The following RBFOX2 variants were observed in gnomAD, a reference collection of about 807,000 sequenced individuals.
RBFOX2 encodes the protein RNA binding protein fox-1 homolog 2.
Under a neutral mutation model 49.1 loss-of-function variants are expected in RBFOX2, and 10 were observed. The ratio of observed to expected loss-of-function variants is 0.20; its 90% confidence interval spans 0.13 to 0.35. The LOEUF (loss-of-function observed/expected upper bound fraction) is 0.35. RBFOX2 is among the 10% of genes least tolerant of loss of function. RBFOX2 has a pLI of 1.00. For synonymous variants in RBFOX2, 183 were observed against 187.4 expected (o/e 0.98, Z 0.19); for missense variants, 323 against 486.9 (o/e 0.66, Z 3.17).
intron 1 of RBFOX2, among the ~76,000 whole-genome samples, chr22:35,914,764 ACCCGATCC>A: frequency 6.6e-6 from 1 of 152,282 alleles, no homozygotes; most frequent in Non-Finnish European, 1.5e-5. Flanking sequence ...GAAGAATGTC[ACCCGATCC>A]CCGGGGGTAA....
intron 11 of RBFOX2, 146 bp downstream of exon 13, chr22:35,745,777 T>C (rs990563153): frequency 5.1e-6 from 4 of 777,694 alleles, no homozygotes; most frequent in Non-Finnish European, 8.5e-6. Flanking sequence ...GAGGGTGACA[T>C]GAAACTTCCA....
In RBFOX2 at chr22:35,905,486, A is replaced by G. The variant is rs574666545; in HGVS notation, c.-34+33361T>C. 7.9e-5 allele frequency among the ~76,000 whole-genome samples: 12 copies of G among 152,308 alleles called. No individual in the cohort carries two copies. The South Asian group carries it at 2.5e-3, about 32-fold the overall frequency. On this transcript the variant is annotated intron_variant, in intron 1 of 13. Transcript: ENST00000359369. ...ATAAATTTTATAGTTATACAACACA[A>G]TTTAGAAGGATTTATTTCTGAAATG...
At chr22:35,958,385 G>A (rs1195644469) in intron 1 of RBFOX2, among the ~76,000 whole-genome samples, 1 of 152,212 alleles carries the variant, frequency 6.6e-6, no homozygotes, top group Non-Finnish European at 1.5e-5. Context: ...CTACCCCATA[G>A]AGAAAAACTA....
intron 1 of RBFOX2, among the ~76,000 whole-genome samples, chr22:35,925,066 C>A (rs2051461869): frequency 6.6e-6 from 1 of 151,898 alleles, no homozygotes; most frequent in African/African-American, 2.4e-5. Context: ...GTGGCGCATA[C>A]TTGTAATCTC....
intron 10 of RBFOX2, 98 bp from the exon 13 acceptor site, chr22:35,746,093 C>A: frequency 9.5e-7 from 1 of 1,057,100 alleles, no homozygotes; most frequent in Non-Finnish European, 1.4e-6. Flanking sequence ...GTCACTTGGT[C>A]TTGGATTATC....
intron 2 of RBFOX2, among the ~76,000 whole-genome samples, chr22:35,809,572 G>A (rs776624231): frequency 2.0e-5 from 3 of 152,148 alleles, no homozygotes; most frequent in African/African-American, 4.8e-5. Context: ...TGCTTGGCAG[G>A]AAAATTGGGA....
At chr22:35,988,426 T>C (rs9610373) in intron 1 of RBFOX2, among the ~76,000 whole-genome samples, 10,920 of 152,216 alleles carry the variant, frequency 0.072, 592 homozygotes, top group Non-Finnish European at 0.1. Flanking sequence ...TAGGCTCTTA[T>C]AATACAGTGA....
At chr22:35,953,291 C>T (rs542996597) in intron 1 of RBFOX2, among the ~76,000 whole-genome samples, 3 of 149,670 alleles carry the variant, frequency 2.0e-5, no homozygotes, top group Non-Finnish European at 4.4e-5. Context: ...ACAAATTGTG[C>T]TATATACACA....
intron 1 of RBFOX2, among the ~76,000 whole-genome samples, chr22:35,891,424 A>G (rs2047229280): frequency 6.6e-6 from 1 of 152,146 alleles, no homozygotes; most frequent in African/African-American, 2.4e-5. Flanking sequence ...TGAGCCACTA[A>G]GGCCGGCCAG....
At chr22:35,942,087 T>C (rs1450030637), upstream of RBFOX2, among the ~76,000 whole-genome samples, 1 of 152,232 alleles carries the variant, frequency 6.6e-6, no homozygotes, top group Admixed American at 6.5e-5. Flanking sequence ...CATTTAGTAT[T>C]CTCTTATAAA....
chr22:35,915,720 C>T (rs765370975), intron 1 of RBFOX2, among the ~76,000 whole-genome samples: 2 of 152,184 alleles, frequency 1.3e-5, no homozygotes, highest in Admixed American at 6.5e-5. Context: ...TCAACCAGTA[C>T]ATGAATCAGC....
intron 1 of RBFOX2, among the ~76,000 whole-genome samples, chr22:35,936,040 A>G (rs955568507): frequency 6.6e-6 from 1 of 152,074 alleles, no homozygotes; most frequent in Non-Finnish European, 1.5e-5. Flanking sequence ...AGGAAGGAAC[A>G]GTGAAAGAAT....
chr22:35,904,025 C>A (rs1218290907), intron 1 of RBFOX2, among the ~76,000 whole-genome samples: 1 of 152,184 alleles, frequency 6.6e-6, no homozygotes, highest in African/African-American at 2.4e-5. Context: ...TCACTTCATA[C>A]CATATCTCCT....
intron 1 of RBFOX2, among the ~76,000 whole-genome samples, chr22:35,967,809 C>T (rs559755223): frequency 2.6e-5 from 4 of 152,238 alleles, no homozygotes; most frequent in East Asian, 1.9e-4. Flanking sequence ...AAATCCGTAC[C>T]ATTTACCACT....
chr22:35,818,407 C>G (rs1479427044), intron 1 of RBFOX2, among the ~76,000 whole-genome samples: 1 of 152,226 alleles, frequency 6.6e-6, no homozygotes, highest in Non-Finnish European at 1.5e-5. Context: ...CTCAACCAAA[C>G]TTTTCACTAC....
chr22:35,875,433 A>T (rs2044897640), intron 1 of RBFOX2, among the ~76,000 whole-genome samples: 2 of 152,276 alleles, frequency 1.3e-5, no homozygotes, highest in Admixed American at 1.3e-4. Context: ...TTTATGCAAA[A>T]TTCCAGGTTA....
intron 1 of RBFOX2, among the ~76,000 whole-genome samples, chr22:35,876,236 T>A (rs970543560): frequency 1.1e-4 from 17 of 151,890 alleles, no homozygotes; most frequent in Non-Finnish European, 1.3e-4. Flanking sequence ...AATTTTTTTA[T>A]TTTTTTTGAG....
chr22:35,935,155 C>T (rs904874097), intron 1 of RBFOX2, among the ~76,000 whole-genome samples: 11 of 152,212 alleles, frequency 7.2e-5, no homozygotes, highest in Non-Finnish European at 1.5e-4. Flanking sequence ...AGGCTGGTCT[C>T]CAACTCCTGA....
chr22:35,967,251 CTTCT>C (rs1485162641), intron 1 of RBFOX2, among the ~76,000 whole-genome samples: 4 of 152,130 alleles, frequency 2.6e-5, no homozygotes, highest in East Asian at 1.9e-4. Flanking sequence ...TGAAAACATT[CTTCT>C]TTGTTTTCTT....
Sources: gnomAD v4.1 joint callset for allele counts (sites outside exome capture counted in the v4.1 genomes callset) on GRCh38, gnomAD v4.1.1 for gene constraint, MANE v1.5 for transcripts, NCBI Gene and HGNC (gene_info 2026-07-23, HGNC 2026-07-21) for gene names.